ZNF676: variants seen among roughly 807,000 people sequenced by gnomAD.
ZNF676 encodes the protein zinc finger protein 676.
Under a neutral mutation model 6.0 loss-of-function variants are expected in ZNF676, and 4 were observed. The observed-to-expected ratio is 0.67, with a 90% CI of 0.33 to 1.53. The LOEUF (loss-of-function observed/expected upper bound fraction) is 1.53. Among genes scored for constraint, ZNF676 ranks in the 40% most tolerant of loss-of-function variants. ZNF676 has a pLI of 0.06. For missense variants in ZNF676, 644 were observed against 679.7 expected (o/e 0.95, Z 0.58); for synonymous variants, 198 against 223.1 (o/e 0.89, Z 1.00).
upstream of ZNF676, among the ~76,000 whole-genome samples, chr19:22,201,534 T>C (rs1476711367): frequency 1.3e-5 from 2 of 152,038 alleles, no homozygotes; most frequent in Admixed American, 6.6e-5. Context: ...TAAAGTGAAA[T>C]GAAAGGAGAG....
intron 1 of ZNF676, among the ~76,000 whole-genome samples, chr19:22,207,993 A>AC (rs1020637586): frequency 2.6e-5 from 4 of 151,608 alleles, no homozygotes; most frequent in East Asian, 1.9e-4. Context: ...TAAAAAAAAA[A>AC]AAAACAAAAA....
chr19:22,254,821 C>T, the ZNF676 span, among the ~76,000 whole-genome samples: 3 of 152,120 alleles, frequency 2.0e-5, no homozygotes, highest in Non-Finnish European at 4.4e-5. Flanking sequence ...TCACAATGCC[C>T]TCTGTGGAAA....
intron 1 of ZNF676, among the ~76,000 whole-genome samples, chr19:22,215,295 A>C (rs1313336826): frequency 3.9e-5 from 6 of 152,084 alleles, no homozygotes; most frequent in African/African-American, 7.2e-5. Flanking sequence ...TCACGGACCA[A>C]AGCTCTTCCC....
At chr19:22,195,928 C>T (rs896139902) in intron 1 of ZNF676, among the ~76,000 whole-genome samples, 57 of 152,136 alleles carry the variant, frequency 3.7e-4, no homozygotes, top group African/African-American at 1.3e-3. Context: ...TCCAGCAAGG[C>T]CTGGAGAGCC....
upstream of ZNF676, among the ~76,000 whole-genome samples, chr19:22,199,683 G>T (rs1012165831): frequency 2.6e-5 from 4 of 152,180 alleles, no homozygotes; most frequent in Non-Finnish European, 5.9e-5. Context: ...CAGATGGAAA[G>T]AGCTTAATAA....
At chr19:22,197,275 T>C (rs912943803), upstream of ZNF676, among the ~76,000 whole-genome samples, 5 of 151,144 alleles carry the variant, frequency 3.3e-5, no homozygotes, top group African/African-American at 7.3e-5. Context: ...TGAGCCAAGA[T>C]TCATTGCACT....
chr19:22,237,953 A>G, the ZNF676 span, among the ~76,000 whole-genome samples: 1 of 152,122 alleles, frequency 6.6e-6, no homozygotes, highest in African/African-American at 2.4e-5. Flanking sequence ...TTTTTCCACA[A>G]TTTCATCTAC....
chr19:22,188,696 A>G (rs903456645), intron 2 of ZNF676, among the ~76,000 whole-genome samples: 11 of 152,184 alleles, frequency 7.2e-5, no homozygotes, highest in African/African-American at 2.2e-4. Context: ...AAAAAATCAC[A>G]AGCATTCTTA....
At chr19:22,210,787 T>A (rs1249023153) in intron 1 of ZNF676, among the ~76,000 whole-genome samples, 1 of 152,118 alleles carries the variant, frequency 6.6e-6, no homozygotes, top group Non-Finnish European at 1.5e-5. Context: ...TAATCAAACT[T>A]CACTTATTTT....
At chr19:22,191,943 A>G (rs1052682687) in intron 2 of ZNF676, among the ~76,000 whole-genome samples, 22 of 152,216 alleles carry the variant, frequency 1.4e-4, no homozygotes, top group African/African-American at 5.3e-4. Flanking sequence ...GCCACTGACA[A>G]TGCTTCTATC....
the ZNF676 span, among the ~76,000 whole-genome samples, chr19:22,234,942 G>GA: frequency 7.1e-6 from 1 of 141,436 alleles, no homozygotes; most frequent in East Asian, 2.1e-4. Context: ...CAAAAAGAAG[G>GA]AAAGAAAGAA....
At chr19:22,197,317 T>A (rs1351564852), upstream of ZNF676, among the ~76,000 whole-genome samples, 595 of 118,616 alleles carry the variant, frequency 5.0e-3, 5 homozygotes, top group African/African-American at 0.017. Flanking sequence ...AAACTCCATC[T>A]CAAAAAAAAA....
Position 22,193,258 on chromosome 19 carries a change from C to T in ZNF676, c.35-147G>A, listed in dbSNP as rs1042431803. ...TTATAACATGTCTGTTGAAGAAAAA[C>T]GTTATGTGCAGTTGCTTAAAGTTCT... On this transcript the variant is annotated intron_variant, in intron 1 of 2. Coordinates refer to ENST00000397121, the MANE Select transcript of ZNF676 (RefSeq NM_001001411.3). 12 of 1,000,248 alleles carry T rather than the reference C, an allele frequency of 1.2e-5. No homozygotes were observed. The South Asian group carries it at 1.5e-4, about 13-fold the overall frequency. 62.0% of individuals were successfully genotyped at this position (1,000,248 alleles called of 1,614,324 possible). A position where few individuals can be genotyped will look rare whatever the true frequency, so the allele number is the denominator to read the frequency against.
chr19:22,231,925 C>T, the ZNF676 span, among the ~76,000 whole-genome samples: 6 of 151,888 alleles, frequency 4.0e-5, no homozygotes, highest in East Asian at 3.9e-4. Context: ...AGTCAAAAAC[C>T]GTCATATTTT....
At chr19:22,225,748 A>G in the ZNF676 span, among the ~76,000 whole-genome samples, 1 of 152,144 alleles carries the variant, frequency 6.6e-6, no homozygotes, top group Non-Finnish European at 1.5e-5. Context: ...TATGCTTTTG[A>G]TAAAAATTTA....
the ZNF676 span, among the ~76,000 whole-genome samples, chr19:22,228,138 T>G: frequency 2.0e-5 from 3 of 152,208 alleles, no homozygotes; most frequent in Admixed American, 2.0e-4. Flanking sequence ...CAGCAGCACA[T>G]CAAAAAGCTT....
chr19:22,240,087 C>T, the ZNF676 span, among the ~76,000 whole-genome samples: 9,965 of 152,238 alleles, frequency 0.065, 1,069 homozygotes, highest in African/African-American at 0.23. Context: ...AATCACATCA[C>T]ATAAATGCTG....
At chr19:22,183,920 G>A (rs1442618672) in intron 2 of ZNF676, among the ~76,000 whole-genome samples, 1 of 151,358 alleles carries the variant, frequency 6.6e-6, no homozygotes, top group East Asian at 1.9e-4. Flanking sequence ...ATCTGAATGT[G>A]TGTATGTGTG....
the ZNF676 span, among the ~76,000 whole-genome samples, chr19:22,252,318 C>T: frequency 6.6e-6 from 1 of 150,434 alleles, no homozygotes; most frequent in South Asian, 2.1e-4. Context: ...TCGCTTGAAC[C>T]CAGGAGGCGG....
Sources: gnomAD v4.1 joint callset for allele counts (sites outside exome capture counted in the v4.1 genomes callset) on GRCh38, gnomAD v4.1.1 for gene constraint, MANE v1.5 for transcripts, NCBI Gene and HGNC (gene_info 2026-07-23, HGNC 2026-07-21) for gene names.